The following DUXA variants were observed in gnomAD, a reference collection of about 807,000 sequenced individuals.
DUXA encodes the protein double homeobox protein A.
DUXA carries 25 observed loss-of-function variants against 27.5 expected under a neutral mutation model. The ratio of observed to expected loss-of-function variants is 0.91; its 90% CI spans 0.66 to 1.27. DUXA has a LOEUF of 1.27. DUXA is among the 50% of genes most tolerant of loss of function. The pLI, the probability that DUXA is intolerant of heterozygous loss-of-function variation, is 0.00. For synonymous variants in DUXA, 90 were observed against 80.5 expected (o/e 1.12, Z -0.63); for missense variants, 247 against 242.9 (o/e 1.02, Z -0.11).
intron 1 of DUXA, among the ~76,000 whole-genome samples, chr19:57,165,320 A>ATATATATATATATATATATATAT (rs1380503736): frequency 6.2e-5 from 6 of 96,620 alleles, no homozygotes; most frequent in East Asian, 2.6e-4. Context: ...AAAAAAAAAA[A>ATATATATATATATATATATATAT]AAAAATATAT....
Position 57,165,753 on chromosome 19 carries a change from C to T in DUXA, c.25+1666G>A, listed in dbSNP as rs1189411493. ...CCGGGAGGCAGAGCTTGCAGTGAGC[C>T]GAGATCGCGCCACTGCACTCCAGCC... is the stretch of plus-strand genomic sequence containing the variant. On this transcript the variant is annotated intron_variant, in intron 1 of 5. Coordinates refer to ENST00000554048, the MANE Select transcript of DUXA (RefSeq NM_001012729.2). Among the ~76,000 whole-genome samples, 4 of 139,076 alleles carry T rather than the reference C, an allele frequency of 2.9e-5. No individual in the cohort carries two copies. The East Asian group carries it at 8.8e-4, about 30-fold the overall frequency. 91.2% of individuals were successfully genotyped at this position (139,076 alleles called of 152,430 possible).
At chr19:57,158,711 C>T (rs921819819) in intron 3 of DUXA, among the ~76,000 whole-genome samples, 27 of 152,244 alleles carry the variant, frequency 1.8e-4, no homozygotes, top group African/African-American at 6.5e-4. Flanking sequence ...AGGCCGGGCG[C>T]GGTGGCTCAC....
chr19:57,164,926 C>T (rs2087043848), intron 1 of DUXA, among the ~76,000 whole-genome samples: 1 of 152,126 alleles, frequency 6.6e-6, no homozygotes, highest in African/African-American at 2.4e-5. Flanking sequence ...AGGGTAACCA[C>T]AGTAACTACC....
At chr19:57,166,123 C>A (rs972624534) in intron 1 of DUXA, among the ~76,000 whole-genome samples, 2 of 151,900 alleles carry the variant, frequency 1.3e-5, no homozygotes, top group East Asian at 3.9e-4. Context: ...AGGCCCTGGG[C>A]TGGGACGCTG....
Position 57,160,760 on chromosome 19 carries a change from T to G in DUXA, c.63A>C (p.Lys21Asn), listed in dbSNP as rs1451923923. Reference sequence around the variant, plus strand: ...GGATTTTCAACTGTTCTTCTGTGAATTTTGTGCGACAGCGCCTATGATTTG... The same window carrying G: ...GGATTTTCAACTGTTCTTCTGTGAAGTTTGTGCGACAGCGCCTATGATTTG... ...VKTNHRRCRT[K>N]FTEEQLKILI... is the part of the protein sequence containing the mutation. Residue 21 changes from lysine (K) to asparagine (N), a missense_variant, in exon 2 of 6, where the codon AAA becomes AAC. Transcript: ENST00000554048. 5 of 1,614,110 alleles carry G rather than the reference T, an allele frequency of 3.1e-6. No individual in the cohort carries two copies. Among genetic ancestry groups the G allele is most frequent in the African/African-American group, 1.3e-5 (1 of 74,950 alleles).
At chr19:57,162,536 T>C (rs2087029469) in intron 1 of DUXA, among the ~76,000 whole-genome samples, 3 of 152,160 alleles carry the variant, frequency 2.0e-5, no homozygotes. Context: ...ATGCTTGCCC[T>C]TGTCTTCAGT....
At chr19:57,154,574 T>C in intron 5 of DUXA, 92 bp from the exon 6 acceptor site, 1 of 1,098,962 alleles carries the variant, frequency 9.1e-7, no homozygotes, top group South Asian at 1.4e-5. Context: ...TTTCTTTTTT[T>C]TTTTTTTTAG....
chr19:57,166,432 C>T (rs1273245217), intron 1 of DUXA, among the ~76,000 whole-genome samples: 1 of 152,168 alleles, frequency 6.6e-6, no homozygotes, highest in African/African-American at 2.4e-5. Flanking sequence ...GCCTCAGCCT[C>T]CCGAGTAGCT....
intron 2 of DUXA, among the ~76,000 whole-genome samples, chr19:57,159,677 T>A (rs899130293): frequency 6.6e-6 from 1 of 151,488 alleles, no homozygotes; most frequent in African/African-American, 2.4e-5. Flanking sequence ...CTTCCCAAAG[T>A]GCTGGGATTA....
intron 1 of DUXA, among the ~76,000 whole-genome samples, chr19:57,161,438 A>ACAG (rs1568464335): frequency 1.3e-5 from 2 of 149,898 alleles, no homozygotes; most frequent in Non-Finnish European, 3.0e-5. Flanking sequence ...CCTGGCTAAC[A>ACAG]TGATGAAACC....
chr19:57,162,318 C>T (rs1248738542), intron 1 of DUXA, among the ~76,000 whole-genome samples: 1 of 152,242 alleles, frequency 6.6e-6, no homozygotes, highest in Non-Finnish European at 1.5e-5. Flanking sequence ...TTCATACTTT[C>T]AGTGGAATTT....
At chr19:57,163,118 C>T (rs947356345) in intron 1 of DUXA, among the ~76,000 whole-genome samples, 4 of 152,056 alleles carry the variant, frequency 2.6e-5, no homozygotes, top group Admixed American at 1.3e-4. Context: ...CCCAACCCGG[C>T]CAACTTCTTC....
chr19:57,154,321 C>G lies in DUXA; in HGVS notation c.*91G>C. ...TACCATCTTCAGAAGGCTTAGCTTG[C>G]AGTTTCAGCAGAAGGATAGACTCCC... is the stretch of plus-strand genomic sequence containing the variant. On this transcript the variant is annotated 3_prime_UTR_variant, in exon 6 of 6. Coordinates refer to ENST00000554048, the MANE Select transcript of DUXA (RefSeq NM_001012729.2). 8.2e-7 allele frequency: 1 copy of G among 1,213,944 alleles called. No homozygotes were observed. The highest frequency in any genetic ancestry group is 1.3e-5 in the South Asian group (1 of 79,532). The allele number at this position is 1,213,944 out of a possible 1,614,324, so 75.2% of individuals were successfully genotyped here. A position where few individuals can be genotyped will look rare whatever the true frequency, so the allele number is the denominator to read the frequency against.
Position 57,155,298 on chromosome 19 carries a change from T to C in DUXA, c.513A>G (p.Glu171=), listed in dbSNP as rs1239000699. Residue 171 remains glutamate, a synonymous_variant, in exon 5 of 6, where the codon GAA becomes GAG. Transcript: ENST00000554048. ...GTCCCTCAGGAATCTTGCCCTGCTC[T>C]TCTTGTTCTAAGGACGCCACAGGTT... ...KREPVASLEQ[E]EQGKIPEGLQ... 5.0e-6 allele frequency: 8 copies of C among 1,614,168 alleles called. No homozygotes were observed. The East Asian group carries it at 1.8e-4, about 36-fold the overall frequency.
intron 2 of DUXA, among the ~76,000 whole-genome samples, 173 bp downstream of exon 2, chr19:57,160,470 T>C (rs545922308): frequency 2.0e-5 from 3 of 152,362 alleles, no homozygotes; most frequent in African/African-American, 4.8e-5. Flanking sequence ...TCATCCTCAG[T>C]ATCCACATCT....
chr19:57,157,684 T>C (rs2086999162), intron 4 of DUXA, among the ~76,000 whole-genome samples: 1 of 151,864 alleles, frequency 6.6e-6, no homozygotes, highest in African/African-American at 2.4e-5. Context: ...AAGGATACAG[T>C]AGACATAAAG....
intron 4 of DUXA, among the ~76,000 whole-genome samples, chr19:57,157,442 C>T (rs2086998094): frequency 6.6e-6 from 1 of 152,076 alleles, no homozygotes; most frequent in African/African-American, 2.4e-5. Flanking sequence ...AGTGATTCTC[C>T]TCCCTCAGCC....
chr19:57,156,935 A>G (rs10410512), intron 4 of DUXA, among the ~76,000 whole-genome samples: 118,506 of 152,114 alleles, frequency 0.78, 46,606 homozygotes, highest in South Asian at 0.89. Flanking sequence ...CAAAGTGCTG[A>G]GATTACAGGT....
intron 1 of DUXA, among the ~76,000 whole-genome samples, chr19:57,161,472 A>C (rs1321083279): frequency 2.7e-5 from 4 of 149,814 alleles, no homozygotes; most frequent in Non-Finnish European, 5.9e-5. Context: ...AAATACAAAA[A>C]ATTAGCCGGG....
Sources: allele counts gnomAD v4.1 joint callset (sites outside exome capture counted in the v4.1 genomes callset), GRCh38; gene constraint gnomAD v4.1.1; transcripts MANE v1.5; gene names NCBI Gene and HGNC (gene_info 2026-07-23, HGNC 2026-07-21).